The following DDX39B variants were observed in gnomAD, a reference collection of about 807,000 sequenced individuals.
DDX39B encodes spliceosome RNA helicase DDX39B.
Under a neutral mutation model 46.4 loss-of-function variants are expected in DDX39B, and 6 were observed. The ratio of observed to expected loss-of-function variants is 0.13; its 90% CI spans 0.07 to 0.26. DDX39B has a LOEUF of 0.26. Ranked by LOEUF, DDX39B falls within the 10% of genes least tolerant of loss-of-function variation. The pLI, the probability that DDX39B is intolerant of heterozygous loss-of-function variation, is 1.00. For missense variants in DDX39B, 185 were observed against 553.4 expected (o/e 0.33, Z 6.68); for synonymous variants, 174 against 199.4 (o/e 0.87, Z 1.07).
rs556229987 is a variant in DDX39B at position 31,535,490 on chromosome 6, A to G, written c.617-5T>C. 6.2e-6 allele frequency: 10 copies of G among 1,606,772 alleles called. No homozygotes were observed. The South Asian group carries it at 7.7e-5, about 12-fold the overall frequency. ...CCTGGACATCCCGACGCATGTCTAC[A>G]AGAACAAGGAAAAAAATTGTAGGAG... On this transcript the variant is annotated splice_region_variant and splice_polypyrimidine_tract_variant and intron_variant, in intron 5 of 10. Transcript: ENST00000396172. This position sits in a 1 kb window ranked among gnomAD's most constrained non-coding sequence, Gnocchi z 4.6.
Position 31,535,550 on chromosome 6 carries a change from T to G in DDX39B, c.617-65A>C, listed in dbSNP as rs560131473. On this transcript the variant is annotated intron_variant, in intron 5 of 10. Transcript: ENST00000396172. The surrounding 1 kb of genome is among the most constrained non-coding windows in gnomAD (Gnocchi z 4.6). ...AGGTATGATAAACAAAGATTAGAGG[T>G]AGACTTCCCAGTGAGGTGAAGATTG... The G allele has an allele frequency of 3.5e-4, 453 of 1,306,686 alleles. 1 individual carries two copies. In the South Asian group the frequency reaches 3.9e-3, roughly 11 times the overall value. The allele number at this position is 1,306,686 out of a possible 1,614,324, so 80.9% of individuals were successfully genotyped here. A position where few individuals can be genotyped will look rare whatever the true frequency, so the allele number is the denominator to read the frequency against.
intron 5 of DDX39B, 56 bp downstream of exon 5, chr6:31,536,444 T>A: frequency 1.2e-6 from 2 of 1,610,606 alleles, no homozygotes; most frequent in Non-Finnish European, 1.7e-6. Flanking sequence ...ATAAACATCA[T>A]TTGGCTCCAA....
chr6:31,530,438 C>T lies in DDX39B; in HGVS notation c.1283G>A (p.Arg428Gln), dbSNP rs757082591. 6 of 1,612,450 alleles carry T rather than the reference C, an allele frequency of 3.7e-6. No homozygotes were observed. Among genetic ancestry groups the T allele is most frequent in the South Asian group, 1.1e-5 (1 of 91,050 alleles). ...ATTCCAAAATGGGCGAGTCTTCTACCGTGTCTGTTCAACTGAGAAGAAAAC... is the reference window on the plus strand; with the variant it reads ...ATTCCAAAATGGGCGAGTCTTCTACTGTGTCTGTTCAACTGAGAAGAAAAC... ...IDISSYIEQT[R>Q] The change falls in exon 11 of 11, where the codon CGG becomes CAG. Residue 428 changes from arginine (R) to glutamine (Q), a missense_variant. Arg to Gln is a conservative substitution (Grantham distance 43, BLOSUM62 1). Around this residue, in one of 5 missense-constraint regions of DDX39B, gnomAD observed 22 missense variants for 52.3 expected, o/e 0.42. Transcript: ENST00000396172. This position sits in a 1 kb window ranked among gnomAD's most constrained non-coding sequence, Gnocchi z 4.5.
intron 1 of DDX39B, chr6:31,541,263 T>TG (rs990844997): frequency 1.9e-5 from 10 of 527,000 alleles, no homozygotes; most frequent in Non-Finnish European, 3.1e-5. Context: ...GTAATTAGCA[T>TG]GGGGGGGAGG....
rs1190629241 is a variant in DDX39B, at chr6:31,530,653, C to T, written c.1270+126G>A. 2.1e-6 allele frequency: 3 copies of T among 1,396,234 alleles called. No individual in the cohort carries two copies. The highest frequency in any genetic ancestry group is 3.0e-6 in the Non-Finnish European group (3 of 1,015,276). 86.5% of individuals were successfully genotyped at this position (1,396,234 alleles called of 1,614,324 possible). On this transcript the variant is annotated intron_variant, in intron 10 of 10. Coordinates refer to ENST00000396172, the MANE Select transcript of DDX39B (RefSeq NM_004640.7). The surrounding 1 kb of genome is among the most constrained non-coding windows in gnomAD (Gnocchi z 4.5). ...AAACATCCCAACACAGCATCAAAGA[C>T]CAGGGGGCATGAACCAGTCAAGTGT...
intron 1 of DDX39B, chr6:31,541,683 A>T (rs1429783584): frequency 1.9e-6 from 1 of 514,808 alleles, no homozygotes; most frequent in Non-Finnish European, 3.9e-6. Flanking sequence ...TGAGGCCTCC[A>T]ATATGAGAAG....
chr6:31,531,505 T>G lies in DDX39B; in HGVS notation c.868-100A>C. 1 of 923,728 alleles carries G rather than the reference T, an allele frequency of 1.1e-6. No individual in the cohort carries two copies. The highest frequency in any genetic ancestry group is 2.3e-5 in the Admixed American group (1 of 44,050). The allele number at this position is 923,728 out of a possible 1,614,324, so 57.2% of individuals were successfully genotyped here. On this transcript the variant is annotated intron_variant, in intron 7 of 10. Transcript: ENST00000396172. The surrounding 1 kb of genome is among the most constrained non-coding windows in gnomAD (Gnocchi z 5.8). ...AGAGGGGAGTTTCTAGTAATTACGT[T>G]CTCAGGAATTCCTCTTCATTTCTCT...
Position 31,532,784 on chromosome 6 carries a change from T to C in DDX39B, c.863A>G (p.Asn288Ser), listed in dbSNP as rs745700709. Reference protein sequence around the residue: ...LFDLLDVLEFNQVVIFVKSVQ... With the variant: ...LFDLLDVLEFSQVVIFVKSVQ... Reference sequence around the variant, plus strand: ...CCTACTGGACGTCTAACTGACCTGGTTGAACTCAAGGACATCCAGAAGGTC... The same window carrying C: ...CCTACTGGACGTCTAACTGACCTGGCTGAACTCAAGGACATCCAGAAGGTC... Residue 288 changes from asparagine (N) to serine (S), a missense_variant, in exon 7 of 11, where the codon AAC becomes AGC. By Grantham distance (46) the Asn-to-Ser change is conservative. Around this residue, in one of 5 missense-constraint regions of DDX39B, gnomAD observed 110 missense variants for 282.2 expected, o/e 0.39. Transcript: ENST00000396172. 20 of 1,610,366 alleles carry C rather than the reference T, an allele frequency of 1.2e-5. No homozygotes were observed. Among genetic ancestry groups the C allele is most frequent in the East Asian group, 2.2e-5 (1 of 44,858 alleles).
In DDX39B at chr6:31,540,674, G is replaced by GA; in HGVS notation, c.-132-11_-132-10insT. The GA allele has an allele frequency of 1.5e-6, 1 of 670,216 alleles. No homozygotes were observed. Among genetic ancestry groups the GA allele is most frequent in the Admixed American group, 3.5e-5 (1 of 28,810 alleles). The allele number at this position is 670,216 out of a possible 1,614,324, so 41.5% of individuals were successfully genotyped here. On this transcript the variant is annotated splice_polypyrimidine_tract_variant and intron_variant, in intron 1 of 10. Transcript: ENST00000396172. ...ATTTCTAACAGAAGAGCTGGAGGGG[G>GA]GAAAAAAAAAAGCAAGACTTAATCA...
rs1178399467 is a variant in DDX39B at position 31,535,021 on chromosome 6, T to C, written c.735+346A>G. ...ATGCCACCTTGAGGGTGCGTGGCTG[T>C]AGGGTGCATGTAAGAGACGATGGAT... is the stretch of plus-strand genomic sequence containing the variant. On this transcript the variant is annotated intron_variant, in intron 6 of 10. Transcript: ENST00000396172. This position sits in a 1 kb window ranked among gnomAD's most constrained non-coding sequence, Gnocchi z 4.6. 2 of 370,228 alleles carry C rather than the reference T, an allele frequency of 5.4e-6. No individual in the cohort carries two copies. Among genetic ancestry groups the C allele is most frequent in the African/African-American group, 2.1e-5 (1 of 48,312 alleles). The allele number at this position is 370,228 out of a possible 1,614,324, so 22.9% of individuals were successfully genotyped here. A position where few individuals can be genotyped will look rare whatever the true frequency, so the allele number is the denominator to read the frequency against.
At position 31,534,738 on chromosome 6, in the gene DDX39B, G is replaced by A. The variant is rs1268180092; in HGVS notation, c.735+629C>T. 8.6e-6 allele frequency: 3 copies of A among 348,168 alleles called. No homozygotes were observed. The highest frequency in any genetic ancestry group is 1.7e-5 in the Non-Finnish European group (3 of 177,692). 21.6% of individuals were successfully genotyped at this position (348,168 alleles called of 1,614,324 possible). A position where few individuals can be genotyped will look rare whatever the true frequency, so the allele number is the denominator to read the frequency against. On this transcript the variant is annotated intron_variant, in intron 6 of 10. Transcript: ENST00000396172. This position sits in a 1 kb window ranked among gnomAD's most constrained non-coding sequence, Gnocchi z 5.1. The stretch of plus-strand genomic sequence containing the variant: ...TGGGTGCCGTCTGCATTCCCTCGCC[G>A]CGCCACGGTGCTTCTCTGTTGCCGG...
chr6:31,530,736 G>C lies in DDX39B; in HGVS notation c.1270+43C>G, dbSNP rs754245084. 6.3e-7 allele frequency: 1 copy of C among 1,598,178 alleles called. No individual in the cohort carries two copies. The highest frequency in any genetic ancestry group is 8.5e-7 in the Non-Finnish European group (1 of 1,173,432). ...ATGGGATTTCGGACAAACACACTAA[G>C]GAACAGGGAGGACCTAAAGGGTTTC... On this transcript the variant is annotated intron_variant, in intron 10 of 10. Transcript: ENST00000396172. This position sits in a 1 kb window ranked among gnomAD's most constrained non-coding sequence, Gnocchi z 4.5.
intron 6 of DDX39B, chr6:31,533,357 G>T: frequency 1.2e-5 from 2 of 169,716 alleles, no homozygotes; most frequent in Non-Finnish European, 1.3e-5. Flanking sequence ...TGGGGTGGGG[G>T]GAGGACAACT....
In DDX39B at chr6:31,532,928, G is replaced by T. The variant is rs753456565; in HGVS notation, c.736-17C>A. On this transcript the variant is annotated splice_polypyrimidine_tract_variant and intron_variant, in intron 6 of 10. Coordinates refer to ENST00000396172, the MANE Select transcript of DDX39B (RefSeq NM_004640.7). The stretch of plus-strand genomic sequence containing the variant: ...CTCCATTGGCTGGGGGGGAGGAAGG[G>T]GGTGGGGAACGGGAGGAGGGCAGAG... The T allele has an allele frequency of 3.3e-6, 4 of 1,216,442 alleles. No individual in the cohort carries two copies. Among genetic ancestry groups the T allele is most frequent in the African/African-American group, 1.6e-5 (1 of 62,036 alleles). 75.4% of individuals were successfully genotyped at this position (1,216,442 alleles called of 1,614,324 possible).
At chr6:31,539,091 C>T (rs748191884) in intron 3 of DDX39B, 56 bp downstream of exon 3, 1 of 1,613,368 alleles carries the variant, frequency 6.2e-7, no homozygotes, top group South Asian at 1.1e-5. Context: ...GACAAAAACA[C>T]CCTTCCCTTA....
Position 31,530,540 on chromosome 6 carries a change from C to CT in DDX39B, c.1271-91dup. The CT allele has an allele frequency of 6.4e-7, 1 of 1,574,428 alleles. No homozygotes were observed. The highest frequency in any genetic ancestry group is 8.7e-7 in the Non-Finnish European group (1 of 1,147,350). ...CGGCACACATGCAGACACTGGTGTACTGCCTGGGTTCAGAGGACGGACGTG... is the reference window on the plus strand; with the variant it reads ...CGGCACACATGCAGACACTGGTGTACTTGCCTGGGTTCAGAGGACGGACGTG... On this transcript the variant is annotated intron_variant, in intron 10 of 10. Coordinates refer to ENST00000396172, the MANE Select transcript of DDX39B (RefSeq NM_004640.7). This position sits in a 1 kb window ranked among gnomAD's most constrained non-coding sequence, Gnocchi z 4.5.
chr6:31,541,999 A>T lies in DDX39B; in HGVS notation c.-182T>A. ...GGCAGCAACAGCGACGAAGGAGGGA[A>T]ATCTGCCTTCACTTCCGGTTGCAGG... On this transcript the variant is annotated 5_prime_UTR_variant, in exon 1 of 11. Transcript: ENST00000396172. 1 of 681,576 alleles carries T rather than the reference A, an allele frequency of 1.5e-6. No homozygotes were observed. Among genetic ancestry groups the T allele is most frequent in the African/African-American group, 1.8e-5 (1 of 56,910 alleles). The allele number at this position is 681,576 out of a possible 1,614,324, so 42.2% of individuals were successfully genotyped here. A position where few individuals can be genotyped will look rare whatever the true frequency, so the allele number is the denominator to read the frequency against.
At chr6:31,538,670 C>A in intron 4 of DDX39B, 93 bp downstream of exon 4, 21 of 1,189,994 alleles carry the variant, frequency 1.8e-5, no homozygotes, top group East Asian at 4.7e-5. Flanking sequence ...CAAACTAAAG[C>A]TTCTCCAAAA....
chr6:31,538,026 A>G (rs1345719042), intron 4 of DDX39B, among the ~76,000 whole-genome samples: 1 of 152,116 alleles, frequency 6.6e-6, no homozygotes, highest in African/African-American at 2.4e-5. Context: ...ACACAGCGAG[A>G]CTCCATCTCA....
Sources: gnomAD v4.1 joint callset for allele counts (sites outside exome capture counted in the v4.1 genomes callset) on GRCh38, gnomAD v4.1.1 for gene constraint, gnomAD v4.1.1 regional missense constraint, Gnocchi (gnomAD v3.1) non-coding constraint, MANE v1.5 for transcripts, NCBI Gene and HGNC (gene_info 2026-07-23, HGNC 2026-07-21) for gene names.